Variants in ASH2L observed in about 807,000 individuals in gnomAD.
The protein encoded by ASH2L is ASH2 like, histone lysine methyltransferase complex subunit.
ASH2L carries 30 observed loss-of-function variants against 81.1 expected under a neutral mutation model. The ratio of observed to expected loss-of-function variants is 0.37; its 90% CI spans 0.28 to 0.50. The LOEUF is 0.50. Ranked by LOEUF, ASH2L falls within the 20% of genes least tolerant of loss-of-function variation. ASH2L has a pLI of 0.95. For synonymous variants in ASH2L, 273 were observed against 279.9 expected (o/e 0.98, Z 0.24); for missense variants, 559 against 792.1 (o/e 0.71, Z 3.53).
chr8:38,127,472 G>T (rs1585596679), intron 10 of ASH2L, among the ~76,000 whole-genome samples: 2 of 152,084 alleles, frequency 1.3e-5, no homozygotes, highest in African/African-American at 4.8e-5. Flanking sequence ...TGTAGGCTGG[G>T]CTCAGTGACT....
At chr8:38,111,171 T>A (rs1172721855) in intron 5 of ASH2L, among the ~76,000 whole-genome samples, 1 of 152,176 alleles carries the variant, frequency 6.6e-6, no homozygotes, top group East Asian at 1.9e-4. Context: ...GACCTCATGA[T>A]CCACTGGCTT....
At chr8:38,107,505 A>T (rs1175351197) in intron 3 of ASH2L, among the ~76,000 whole-genome samples, 1 of 152,178 alleles carries the variant, frequency 6.6e-6, no homozygotes, top group Non-Finnish European at 1.5e-5. Flanking sequence ...TTCAGAAAGG[A>T]TATATGTGGA....
chr8:38,113,256 C>G (rs1260735250), intron 5 of ASH2L, among the ~76,000 whole-genome samples: 1 of 152,178 alleles, frequency 6.6e-6, no homozygotes, highest in African/African-American at 2.4e-5. Context: ...AAGCGTGAGC[C>G]ACCACGCCCA....
At chr8:38,122,048 G>A (rs1301634915) in intron 10 of ASH2L, among the ~76,000 whole-genome samples, 2 of 151,988 alleles carry the variant, frequency 1.3e-5, no homozygotes, top group Non-Finnish European at 2.9e-5. Flanking sequence ...GATGATTTTC[G>A]ATTTCCTCTT....
intron 8 of ASH2L, 69 bp downstream of exon 8, chr8:38,116,794 C>T: frequency 1.5e-6 from 2 of 1,330,838 alleles, no homozygotes; most frequent in Non-Finnish European, 2.1e-6. Flanking sequence ...CTAGAACTGG[C>T]CATTCTTTGG....
chr8:38,135,068 T>A (rs570940973), intron 13 of ASH2L, among the ~76,000 whole-genome samples: 107 of 151,192 alleles, frequency 7.1e-4, no homozygotes, highest in South Asian at 1.9e-3. Context: ...AAAAAAAAAA[T>A]TTTGTAGAGA....
At position 38,128,726 on chromosome 8, in the gene ASH2L, C is replaced by T. The variant is rs763390070; in HGVS notation, c.1334-32C>T. On this transcript the variant is annotated intron_variant, in intron 11 of 15. Coordinates refer to ENST00000343823, the MANE Select transcript of ASH2L (RefSeq NM_004674.5). Reference sequence around the variant, plus strand: ...CAAACTAGATTTGACTTGCAATCTTCTGACTTCCTGTGTATGTTTTTATTG... The same window carrying T: ...CAAACTAGATTTGACTTGCAATCTTTTGACTTCCTGTGTATGTTTTTATTG... 2.5e-6 allele frequency: 4 copies of T among 1,585,684 alleles called. No individual in the cohort carries two copies. The Admixed American group carries it at 6.0e-5, about 24-fold the overall frequency.
intron 9 of ASH2L, among the ~76,000 whole-genome samples, chr8:38,120,330 G>A (rs1415130860): frequency 6.6e-6 from 1 of 152,088 alleles, no homozygotes; most frequent in Non-Finnish European, 1.5e-5. Context: ...AGCTCCTTTA[G>A]CTCCTTAACT....
Position 38,115,797 on chromosome 8 carries a change from T to C in ASH2L, c.777+797T>C, listed in dbSNP as rs182846528. ...CTCTCCTGCCTCTACCCAAGTTGAT[T>C]GATTAATTGCCATTTATCGCCATTC... On this transcript the variant is annotated intron_variant, in intron 7 of 15. Coordinates refer to ENST00000343823, the MANE Select transcript of ASH2L (RefSeq NM_004674.5). Among the ~76,000 whole-genome samples, 51 of 152,368 alleles carry C rather than the reference T, an allele frequency of 3.3e-4. 1 individual carries two copies. Among genetic ancestry groups the C allele is most frequent in the African/African-American group, 1.1e-3 (46 of 41,590 alleles).
At chr8:38,116,796 A>G (rs1810922236) in intron 8 of ASH2L, 71 bp downstream of exon 8, 6 of 1,318,340 alleles carry the variant, frequency 4.6e-6, no homozygotes, top group Non-Finnish European at 5.3e-6. Flanking sequence ...AGAACTGGCC[A>G]TTCTTTGGGT....
chr8:38,106,543 T>G (rs1810442984), intron 2 of ASH2L, 99 bp downstream of exon 2: 2 of 1,041,338 alleles, frequency 1.9e-6, no homozygotes, highest in Admixed American at 2.5e-5. Context: ...AGCCTTGCTC[T>G]GTCGCCCAGG....
intron 2 of ASH2L, 150 bp downstream of exon 2, chr8:38,106,594 T>TC (rs1810444976): frequency 8.0e-6 from 5 of 628,694 alleles, no homozygotes; most frequent in South Asian, 4.1e-5. Context: ...TGCAACCTCC[T>TC]CCCCCCGGGT....
In ASH2L at chr8:38,128,305, A is replaced by C. The variant is rs779970822; in HGVS notation, c.1180A>C (p.Ile394Leu). 23 of 1,614,168 alleles carry C rather than the reference A, an allele frequency of 1.4e-5. No individual in the cohort carries two copies. The highest frequency in any genetic ancestry group is 1.9e-5 in the Non-Finnish European group (23 of 1,180,042). ...TGTCACCGCAGCTCCCCAGTTAAAG[A>C]TCTCAGATGACCGGCTGACTGTGGT... ...ALHDRAPQLK[I>L]SDDRLTVVGE... Residue 394 changes from isoleucine to leucine, a missense_variant, in exon 11 of 16, where the codon ATC (isoleucine) becomes CTC (leucine). Physicochemically the swap from Ile to Leu is conservative, Grantham distance 5 (BLOSUM62 2). Coordinates refer to ENST00000343823, the MANE Select transcript of ASH2L (RefSeq NM_004674.5).
At chr8:38,129,045 C>T (rs1801960526) in intron 12 of ASH2L, 94 bp downstream of exon 12, 2 of 1,494,532 alleles carry the variant, frequency 1.3e-6, no homozygotes, top group South Asian at 1.4e-5. Flanking sequence ...GGAACTGAGC[C>T]ACAGCTCACG....
At chr8:38,136,102 ATTTTTTT>A (rs772313591) in intron 14 of ASH2L, among the ~76,000 whole-genome samples, 2 of 97,862 alleles carry the variant, frequency 2.0e-5, no homozygotes, top group Admixed American at 1.0e-4. Flanking sequence ...GCTTACAATG[ATTTTTTT>A]TTTTTTTTTT....
intron 10 of ASH2L, among the ~76,000 whole-genome samples, chr8:38,126,555 T>C (rs79400055): frequency 0.015 from 2,296 of 152,218 alleles, 54 homozygotes; most frequent in African/African-American, 0.053. Context: ...TACTATTTTT[T>C]GAAAGTTTGA....
At position 38,135,711 on chromosome 8, in the gene ASH2L, A is replaced by G. The variant is rs1802224491; in HGVS notation, c.1664A>G (p.Lys555Arg). The G allele has an allele frequency of 1.2e-6, 2 of 1,613,306 alleles. No homozygotes were observed. The highest frequency in any genetic ancestry group is 1.7e-6 in the Non-Finnish European group (2 of 1,179,604). ...KNGVNQGVAYKDIFEGVYFPA... is the reference protein window; with the variant it reads ...KNGVNQGVAYRDIFEGVYFPA... ...GGTGTCAATCAAGGTGTGGCTTACA[A>G]AGATATTTTTGAGGGGGTTTACTTC... is the stretch of plus-strand genomic sequence containing the variant. The change falls in exon 14 of 16, where the codon AAA becomes AGA. Residue 555 changes from lysine (K) to arginine (R), a missense_variant. This residue lies in a region of ASH2L where 95 missense variants were observed against 130.7 expected (regional missense o/e 0.73). Coordinates refer to ENST00000343823, the MANE Select transcript of ASH2L (RefSeq NM_004674.5).
chr8:38,123,440 A>G (rs1486869601), intron 10 of ASH2L: 1 of 152,200 alleles, frequency 6.6e-6, no homozygotes. Context: ...TATAGCATTT[A>G]TATATAGCTC....
rs779970822 is a variant in ASH2L, at chr8:38,128,305, A to G, written c.1180A>G (p.Ile394Val). ...TGTCACCGCAGCTCCCCAGTTAAAGATCTCAGATGACCGGCTGACTGTGGT... is the reference window on the plus strand; with the variant it reads ...TGTCACCGCAGCTCCCCAGTTAAAGGTCTCAGATGACCGGCTGACTGTGGT... ...ALHDRAPQLK[I>V]SDDRLTVVGE... Residue 394 changes from isoleucine (I) to valine (V), a missense_variant, in exon 11 of 16, where the codon ATC (isoleucine) becomes GTC (valine). Physicochemically the swap from Ile to Val is conservative, Grantham distance 29. Around this residue, in one of 4 missense-constraint regions of ASH2L, gnomAD observed 318 missense variants for 527.0 expected, o/e 0.60. Transcript: ENST00000343823. 1 of 1,614,168 alleles carries G rather than the reference A, an allele frequency of 6.2e-7. No individual in the cohort carries two copies. Among genetic ancestry groups the G allele is most frequent in the Admixed American group, 1.7e-5 (1 of 60,006 alleles).
Sources: gnomAD v4.1 joint callset for allele counts (sites outside exome capture counted in the v4.1 genomes callset) on GRCh38, gnomAD v4.1.1 for gene constraint, gnomAD v4.1.1 regional missense constraint, MANE v1.5 for transcripts, NCBI Gene and HGNC (gene_info 2026-07-23, HGNC 2026-07-21) for gene names.